NTF3: variants seen among roughly 807,000 people sequenced by gnomAD.
The protein encoded by NTF3 is neurotrophin 3.
In NTF3, 8 loss-of-function variants were observed where a neutral mutation model predicts 26.3. The observed-to-expected ratio is 0.30, with a 90% CI of 0.18 to 0.55. The LOEUF (loss-of-function observed/expected upper bound fraction) is 0.55, where lower values mean the gene tolerates loss of function less well. NTF3 is among the 20% of genes least tolerant of loss of function. The pLI is 0.93. For missense variants in NTF3, 276 were observed against 352.9 expected (o/e 0.78, Z 1.75); for synonymous variants, 154 against 145.5 (o/e 1.06, Z -0.42).
intron 1 of NTF3, among the ~76,000 whole-genome samples, chr12:5,438,040 G>A (rs1940193802): frequency 6.6e-6 from 1 of 152,092 alleles, no homozygotes; most frequent in Non-Finnish European, 1.5e-5. Flanking sequence ...GAAAAAAGTT[G>A]GGGACACCTT....
chr12:5,482,208 C>G (rs895223598), intron 1 of NTF3, among the ~76,000 whole-genome samples: 15 of 152,248 alleles, frequency 9.9e-5, no homozygotes, highest in African/African-American at 3.6e-4. Flanking sequence ...TTGTTTCCCA[C>G]AAGACGGGTA....
At chr12:5,457,193 G>T (rs778144026) in intron 1 of NTF3, among the ~76,000 whole-genome samples, 1 of 152,226 alleles carries the variant, frequency 6.6e-6, no homozygotes, top group African/African-American at 2.4e-5. Context: ...GAAACTAACC[G>T]AATCTTGTCA....
At chr12:5,466,396 T>C (rs1448350240) in intron 1 of NTF3, among the ~76,000 whole-genome samples, 1 of 152,168 alleles carries the variant, frequency 6.6e-6, no homozygotes, top group African/African-American at 2.4e-5. Flanking sequence ...TACAGTCGAG[T>C]TCTAAAACCA....
chr12:5,449,282 C>G (rs866402869), intron 1 of NTF3, among the ~76,000 whole-genome samples: 44 of 152,170 alleles, frequency 2.9e-4, no homozygotes, highest in African/African-American at 1.1e-3. Flanking sequence ...AGCTCTGTCT[C>G]GAGGCAGCTT....
chr12:5,475,613 T>C (rs748992157), intron 1 of NTF3, among the ~76,000 whole-genome samples: 2 of 151,972 alleles, frequency 1.3e-5, no homozygotes, highest in African/African-American at 2.4e-5. Flanking sequence ...GGTGGGAGGA[T>C]TGCTTGAGCC....
At position 5,433,240 on chromosome 12, in the gene NTF3, G is replaced by A. The variant is rs1009018360; in HGVS notation, c.18+898G>A. On this transcript the variant is annotated intron_variant, in intron 1 of 1. Transcript: ENST00000423158. The surrounding 1 kb of genome is among the most constrained non-coding windows in gnomAD (Gnocchi z 4.6). ...CGGGCACCCGGGCCCGGCCATCCCA[G>A]GGGATCTCCTTGCGGTATCGTCCAG... 6.6e-6 allele frequency: 1 copy of A among 152,172 alleles called. No homozygotes were observed. Among genetic ancestry groups the A allele is most frequent in the African/African-American group, 2.4e-5 (1 of 41,436 alleles). 9.4% of individuals were successfully genotyped at this position (152,172 alleles called of 1,614,324 possible).
At chr12:5,432,370 T>A in intron 1 of NTF3, 28 bp downstream of exon 1, 1 of 1,602,738 alleles carries the variant, frequency 6.2e-7, no homozygotes, top group Non-Finnish European at 8.5e-7. Flanking sequence ...GCACCTTGGG[T>A]GGGCAGGTTT....
intron 1 of NTF3, among the ~76,000 whole-genome samples, chr12:5,493,626 A>G (rs914066039): frequency 3.3e-5 from 5 of 152,128 alleles, no homozygotes; most frequent in Non-Finnish European, 1.5e-5. Flanking sequence ...GGGCAGGAGA[A>G]TAGACCGTTC....
intron 1 of NTF3, among the ~76,000 whole-genome samples, chr12:5,464,963 G>A (rs1431205178): frequency 2.0e-5 from 3 of 152,240 alleles, no homozygotes; most frequent in East Asian, 3.9e-4. Context: ...CATCATGGTC[G>A]TCTTCTTCAT....
intron 1 of NTF3, among the ~76,000 whole-genome samples, chr12:5,436,730 C>A (rs1200553111): frequency 3.3e-5 from 5 of 152,220 alleles, no homozygotes; most frequent in Non-Finnish European, 7.3e-5. Flanking sequence ...AGCATCTCTA[C>A]TGCTCACTCA....
intron 1 of NTF3, among the ~76,000 whole-genome samples, chr12:5,489,799 A>G (rs538409880): frequency 6.5e-4 from 99 of 152,294 alleles, no homozygotes; most frequent in African/African-American, 2.3e-3. Context: ...ATTCTGTGCC[A>G]CTGTCTACCT....
Position 5,494,275 on chromosome 12 carries a change from A to G in NTF3, c.100A>G (p.Met34Val). The change falls in exon 2 of 2, where the codon ATG becomes GTG. Residue 34 changes from methionine (M) to valine (V), a missense_variant. Met to Val is a conservative substitution (Grantham distance 21, BLOSUM62 1). Transcript: ENST00000423158. This position sits in a 1 kb window ranked among gnomAD's most constrained non-coding sequence, Gnocchi z 8.3. ...TCTCCGTGGCATCCAAGGTAACAACATGGATCAAAGGAGTTTGCCAGAAGA... is the reference window on the plus strand; with the variant it reads ...TCTCCGTGGCATCCAAGGTAACAACGTGGATCAAAGGAGTTTGCCAGAAGA... Reference protein sequence around the residue: ...AYLRGIQGNNMDQRSLPEDSL... With the variant: ...AYLRGIQGNNVDQRSLPEDSL... 6.2e-7 allele frequency: 1 copy of G among 1,614,128 alleles called. No homozygotes were observed. The highest frequency in any genetic ancestry group is 8.5e-7 in the Non-Finnish European group (1 of 1,180,004).
Position 5,459,815 on chromosome 12 carries a change from G to A in NTF3, c.18+27473G>A, listed in dbSNP as rs555781664. ...CTGGTCTCCAGTTCTTTCTTCTCTA[G>A]CATGTGAGATCTGTGCTTTTGATTC... On this transcript the variant is annotated intron_variant, in intron 1 of 1. Coordinates refer to ENST00000423158, the MANE Select transcript of NTF3 (RefSeq NM_001102654.2). 1.3e-4 allele frequency among the ~76,000 whole-genome samples: 20 copies of A among 152,280 alleles called. 1 individual carries two copies. The South Asian group carries it at 4.1e-3, about 32-fold the overall frequency.
Position 5,440,716 on chromosome 12 carries a change from C to T in NTF3, c.18+8374C>T, listed in dbSNP as rs1036598147. Among the ~76,000 whole-genome samples the T allele has an allele frequency of 5.3e-5, 8 of 152,314 alleles. No individual in the cohort carries two copies. The South Asian group carries it at 6.2e-4, about 12-fold the overall frequency. On this transcript the variant is annotated intron_variant, in intron 1 of 1. Coordinates refer to ENST00000423158, the MANE Select transcript of NTF3 (RefSeq NM_001102654.2). ...GACTTTAAGCAAATCACTTTCCCTC[C>T]GTGGGCCTCTTTTCCTGGAAAAGGG...
intron 1 of NTF3, among the ~76,000 whole-genome samples, chr12:5,462,610 A>G (rs1940538496): frequency 6.6e-6 from 1 of 152,256 alleles, no homozygotes; most frequent in African/African-American, 2.4e-5. Context: ...ATGGAACAAT[A>G]GTTAGGATTC....
chr12:5,454,303 G>A (rs894219258), intron 1 of NTF3, among the ~76,000 whole-genome samples: 13 of 152,176 alleles, frequency 8.5e-5, no homozygotes, highest in African/African-American at 3.1e-4. Context: ...TTTCCTCTGT[G>A]CATGTCTGTG....
At chr12:5,437,871 C>T (rs1208714847) in intron 1 of NTF3, among the ~76,000 whole-genome samples, 1 of 152,146 alleles carries the variant, frequency 6.6e-6, no homozygotes, top group Non-Finnish European at 1.5e-5. Context: ...GAGGAGAGCA[C>T]AGGATGTGCG....
intron 1 of NTF3, among the ~76,000 whole-genome samples, chr12:5,478,529 TGGCTCATACG>T (rs571663024): frequency 6.6e-6 from 1 of 152,394 alleles, no homozygotes; most frequent in South Asian, 2.1e-4. Flanking sequence ...GGGTCACTCA[TGGCTCATACG>T]GGCCTGCGGC....
In NTF3 at chr12:5,462,041, T is replaced by C. The variant is rs1940532165; in HGVS notation, c.18+29699T>C. Among the ~76,000 whole-genome samples the C allele has an allele frequency of 2.0e-5, 3 of 152,230 alleles. No homozygotes were observed. The South Asian group carries it at 6.2e-4, about 31-fold the overall frequency. ...TGTCACAGGACGGCCTGTTCTTTCA[T>C]TGAATTATGTCTTAGTGCAGGGATG... On this transcript the variant is annotated intron_variant, in intron 1 of 1. Transcript: ENST00000423158.
Sources: gnomAD v4.1 joint callset for allele counts (sites outside exome capture counted in the v4.1 genomes callset) on GRCh38, gnomAD v4.1.1 for gene constraint, Gnocchi (gnomAD v3.1) non-coding constraint, MANE v1.5 for transcripts, NCBI Gene and HGNC (gene_info 2026-07-23, HGNC 2026-07-21) for gene names.